The following CALCR variants were observed in gnomAD, a reference collection of about 807,000 sequenced individuals.
CALCR encodes the protein calcitonin receptor.
Under a neutral mutation model 59.5 loss-of-function variants are expected in CALCR, and 47 were observed. The ratio of observed to expected loss-of-function variants is 0.79; its 90% CI spans 0.63 to 1.01. The LOEUF (loss-of-function observed/expected upper bound fraction) is 1.01. Ranked by LOEUF, CALCR falls within the 50% of genes least tolerant of loss-of-function variation. The pLI is 0.00. For synonymous variants in CALCR, 213 were observed against 211.3 expected, an observed-to-expected ratio of 1.01 and a Z score of -0.07; for missense variants, 566 against 597.1, an observed-to-expected ratio of 0.95 and a Z score of 0.54.
chr7:93,503,623 A>G (rs1801368837), intron 2 of CALCR, among the ~76,000 whole-genome samples: 4 of 152,180 alleles, frequency 2.6e-5, no homozygotes, highest in African/African-American at 7.2e-5. Flanking sequence ...GAAATGAACT[A>G]TCTTGTTCTT....
chr7:93,566,961 C>G (rs760901012), intron 2 of CALCR, among the ~76,000 whole-genome samples: 1 of 152,050 alleles, frequency 6.6e-6, no homozygotes, highest in Admixed American at 6.6e-5. Flanking sequence ...TTTTTCTTGC[C>G]TATAAGAGGT....
At chr7:93,487,501 T>C (rs555047166) in intron 2 of CALCR, among the ~76,000 whole-genome samples, 1 of 151,614 alleles carries the variant, frequency 6.6e-6, no homozygotes, top group East Asian at 1.9e-4. Context: ...TTCCTATAAA[T>C]GTTTCTTTAA....
At chr7:93,523,588 C>A (rs1428830268) in intron 2 of CALCR, among the ~76,000 whole-genome samples, 3 of 152,018 alleles carry the variant, frequency 2.0e-5, no homozygotes, top group Non-Finnish European at 4.4e-5. Context: ...TCTGAGAGTT[C>A]TTTGAGAAAA....
chr7:93,512,677 TTG>T (rs1801571836), intron 2 of CALCR, among the ~76,000 whole-genome samples: 2 of 152,258 alleles, frequency 1.3e-5, no homozygotes, highest in South Asian at 4.1e-4. Flanking sequence ...TTATTATGGC[TTG>T]TACAGACAAT....
chr7:93,442,008 G>A (rs1799916862), intron 9 of CALCR, among the ~76,000 whole-genome samples: 1 of 152,142 alleles, frequency 6.6e-6, no homozygotes. Flanking sequence ...AGAAACATGT[G>A]TACTCAGGAA....
intron 2 of CALCR, among the ~76,000 whole-genome samples, chr7:93,490,809 A>T (rs1016276865): frequency 6.6e-6 from 1 of 152,042 alleles, no homozygotes; most frequent in Non-Finnish European, 1.5e-5. Flanking sequence ...AAGAATCGAT[A>T]TCGTGAAAAT....
intron 13 of CALCR, among the ~76,000 whole-genome samples, chr7:93,430,202 TG>T (rs1231215303): frequency 1.3e-5 from 2 of 152,190 alleles, no homozygotes; most frequent in Non-Finnish European, 2.9e-5. Flanking sequence ...CCCAAAGTGC[TG>T]GGATTACAGG....
At chr7:93,446,569 G>C (rs1353473023) in intron 8 of CALCR, among the ~76,000 whole-genome samples, 5 of 151,952 alleles carry the variant, frequency 3.3e-5, no homozygotes, top group African/African-American at 1.2e-4. Flanking sequence ...AGCTAGCTCT[G>C]GGAGTATCAA....
intron 13 of CALCR, among the ~76,000 whole-genome samples, chr7:93,428,900 G>A (rs1799590146): frequency 6.6e-6 from 1 of 152,112 alleles, no homozygotes; most frequent in African/African-American, 2.4e-5. Flanking sequence ...TATCCAAGCA[G>A]GCAGTTATGA....
At chr7:93,531,926 A>C (rs1788850668) in intron 2 of CALCR, among the ~76,000 whole-genome samples, 1 of 152,084 alleles carries the variant, frequency 6.6e-6, no homozygotes, top group South Asian at 2.1e-4. Context: ...TACTTAGTAC[A>C]TATACCAGAT....
rs1421353402 is a variant in CALCR, at chr7:93,538,701, G to A, written c.-27+35588C>T. ...AAAGTCACTGACCTTTCTCTAGACA[G>A]ATAGGTGTACATGCTCAAGACTTCA... On this transcript the variant is annotated intron_variant, in intron 2 of 13. Coordinates refer to ENST00000426151, the MANE Select transcript of CALCR (RefSeq NM_001742.4). Among the ~76,000 whole-genome samples, 6 of 152,074 alleles carry A rather than the reference G, an allele frequency of 3.9e-5. No homozygotes were observed. In the East Asian group the frequency reaches 1.2e-3, roughly 29 times the overall value.
intron 6 of CALCR, among the ~76,000 whole-genome samples, chr7:93,471,023 G>T (rs1426869169): frequency 5.3e-5 from 8 of 149,588 alleles, no homozygotes; most frequent in Non-Finnish European, 1.0e-4. Flanking sequence ...AGAATATGCG[G>T]TGTTTGGTTT....
chr7:93,464,156 T>C (rs1800395063), intron 7 of CALCR, among the ~76,000 whole-genome samples: 1 of 152,012 alleles, frequency 6.6e-6, no homozygotes, highest in African/African-American at 2.4e-5. Flanking sequence ...TACGTGTGTG[T>C]GAGTGTGTAC....
chr7:93,432,596 A>C (rs1283420926), intron 13 of CALCR, among the ~76,000 whole-genome samples: 1 of 152,228 alleles, frequency 6.6e-6, no homozygotes, highest in Non-Finnish European at 1.5e-5. Context: ...AACTCGAGAC[A>C]TTCAATTGCT....
chr7:93,464,916 G>A (rs1315188690), intron 7 of CALCR, among the ~76,000 whole-genome samples: 1 of 151,942 alleles, frequency 6.6e-6, no homozygotes, highest in East Asian at 1.9e-4. Flanking sequence ...GTAAGTAGTA[G>A]AGCAATCAGT....
rs561436418 is a variant in CALCR at position 93,521,016 on chromosome 7, G to A, written c.-26-34009C>T. 2.6e-5 allele frequency among the ~76,000 whole-genome samples: 4 copies of A among 152,280 alleles called. No individual in the cohort carries two copies. In the South Asian group the frequency reaches 8.3e-4, roughly 32 times the overall value. On this transcript the variant is annotated intron_variant, in intron 2 of 13. Coordinates refer to ENST00000426151, the MANE Select transcript of CALCR (RefSeq NM_001742.4). ...GCTATAAAACATTTGGTGTTTCTCAGTTGGCTCCCTGTGTAGGTGGCATAT... is the reference window on the plus strand; with the variant it reads ...GCTATAAAACATTTGGTGTTTCTCAATTGGCTCCCTGTGTAGGTGGCATAT...
At chr7:93,569,935 GACACACACAC>G (rs3068441) in intron 2 of CALCR, among the ~76,000 whole-genome samples, 6 of 144,118 alleles carry the variant, frequency 4.2e-5, no homozygotes, top group Non-Finnish European at 7.6e-5. Flanking sequence ...GATGTAAAGG[GACACACACAC>G]ACACACACAC....
At chr7:93,504,151 A>T (rs1454986505) in intron 2 of CALCR, among the ~76,000 whole-genome samples, 1 of 152,184 alleles carries the variant, frequency 6.6e-6, no homozygotes, top group Non-Finnish European at 1.5e-5. Context: ...CAATATACAA[A>T]CAAAGACAGA....
At chr7:93,507,751 C>CAAAAAAAAA (rs562704303) in intron 2 of CALCR, among the ~76,000 whole-genome samples, 19 of 51,508 alleles carry the variant, frequency 3.7e-4, no homozygotes, top group Admixed American at 4.4e-4. Flanking sequence ...ACTAAAAATA[C>CAAAAAAAAA]AAAAAAAAAA....
Sources: gnomAD v4.1 joint callset for allele counts (sites outside exome capture counted in the v4.1 genomes callset) on GRCh38, gnomAD v4.1.1 for gene constraint, MANE v1.5 for transcripts, NCBI Gene and HGNC (gene_info 2026-07-23, HGNC 2026-07-21) for gene names.